KCNIP4: variants seen among roughly 807,000 people sequenced by gnomAD.
KCNIP4 encodes potassium voltage-gated channel interacting protein 4.
In KCNIP4, 12 loss-of-function variants were observed where a neutral mutation model predicts 34.0. That is an observed-to-expected ratio of 0.35 (90% CI 0.23 to 0.57). The LOEUF (loss-of-function observed/expected upper bound fraction) is 0.57, where lower values mean the gene tolerates loss of function less well. Ranked by LOEUF, KCNIP4 falls within the 20% of genes least tolerant of loss-of-function variation. The probability of loss-of-function intolerance (pLI) is 0.83; values close to 1 mark genes in which losing one functional copy is unlikely to be tolerated. For missense variants in KCNIP4, 238 were observed against 311.7 expected, an observed-to-expected ratio of 0.76 and a Z score of 1.78; for synonymous variants, 124 against 102.2, an observed-to-expected ratio of 1.21 and a Z score of -1.29.
intron 1 of KCNIP4, among the ~76,000 whole-genome samples, chr4:21,420,681 T>C (rs1395799078): frequency 6.6e-6 from 1 of 152,208 alleles, no homozygotes; most frequent in African/African-American, 2.4e-5. Context: ...CCTTACCTTC[T>C]GTGAAACTAC....
intron 1 of KCNIP4, among the ~76,000 whole-genome samples, chr4:21,127,321 C>A (rs931277392): frequency 1.3e-5 from 2 of 152,154 alleles, no homozygotes; most frequent in Non-Finnish European, 2.9e-5. Flanking sequence ...TTACTGAGAT[C>A]AACTCCCTAA....
At chr4:21,943,532 T>G (rs922776477) in intron 1 of KCNIP4, among the ~76,000 whole-genome samples, 1 of 152,018 alleles carries the variant, frequency 6.6e-6, no homozygotes, top group Admixed American at 6.6e-5. Flanking sequence ...AGAGTGAGAC[T>G]CTGATTCAAA....
chr4:21,588,978 G>A (rs1382864245), intron 1 of KCNIP4, among the ~76,000 whole-genome samples: 1 of 150,902 alleles, frequency 6.6e-6, no homozygotes, highest in East Asian at 2.0e-4. Context: ...CTCCTACTCT[G>A]AGCCTGGTGC....
intron 1 of KCNIP4, among the ~76,000 whole-genome samples, chr4:21,767,150 T>G (rs1452327873): frequency 2.6e-5 from 4 of 151,976 alleles, no homozygotes; most frequent in Non-Finnish European, 5.9e-5. Context: ...AGAAAGGAAT[T>G]TGCTTTATGA....
intron 1 of KCNIP4, among the ~76,000 whole-genome samples, chr4:21,741,854 T>C (rs921269645): frequency 2.0e-5 from 3 of 151,952 alleles, no homozygotes; most frequent in Non-Finnish European, 2.9e-5. Flanking sequence ...CTGGCCAACA[T>C]AGTGAAACCC....
At chr4:20,988,000 CAAAAAAA>C (rs36044149) in intron 1 of KCNIP4, among the ~76,000 whole-genome samples, 24 of 46,332 alleles carry the variant, frequency 5.2e-4, no homozygotes, top group Non-Finnish European at 8.4e-4. Flanking sequence ...GATTCCATCT[CAAAAAAA>C]AAAAAAAAAA....
chr4:21,438,676 G>A (rs915759875), intron 1 of KCNIP4, among the ~76,000 whole-genome samples: 3 of 152,050 alleles, frequency 2.0e-5, no homozygotes, highest in Non-Finnish European at 4.4e-5. Flanking sequence ...AACTAATGTG[G>A]ACTTGTAAAT....
chr4:21,459,386 C>T (rs1328619719), intron 1 of KCNIP4, among the ~76,000 whole-genome samples: 2 of 152,036 alleles, frequency 1.3e-5, no homozygotes, highest in East Asian at 1.9e-4. Context: ...GTTTTTCTTC[C>T]TGTCTCCCTT....
At chr4:21,599,538 T>G (rs2109115904) in intron 1 of KCNIP4, among the ~76,000 whole-genome samples, 1 of 152,202 alleles carries the variant, frequency 6.6e-6, no homozygotes, top group Admixed American at 6.6e-5. Flanking sequence ...ATGGATTGAC[T>G]TTTTTACATG....
intron 3 of KCNIP4, among the ~76,000 whole-genome samples, chr4:20,784,163 T>C (rs1053972859): frequency 6.6e-6 from 1 of 152,220 alleles, no homozygotes; most frequent in African/African-American, 2.4e-5. Context: ...GAGTAGAGTT[T>C]CTAATTCCTA....
At chr4:21,004,334 G>A (rs1056009271) in intron 1 of KCNIP4, among the ~76,000 whole-genome samples, 17 of 152,178 alleles carry the variant, frequency 1.1e-4, no homozygotes, top group African/African-American at 3.4e-4. Context: ...GTATATGGGC[G>A]ACTCCCAAAT....
At chr4:21,052,942 A>G (rs928634717) in intron 1 of KCNIP4, among the ~76,000 whole-genome samples, 44 of 151,984 alleles carry the variant, frequency 2.9e-4, no homozygotes, top group African/African-American at 1.1e-3. Flanking sequence ...GAGGGGGAGA[A>G]GAAGTGGAGA....
chr4:20,899,810 C>G (rs1433166856), intron 1 of KCNIP4, among the ~76,000 whole-genome samples: 1 of 152,224 alleles, frequency 6.6e-6, no homozygotes, highest in South Asian at 2.1e-4. Context: ...ATGGAAAAAT[C>G]CACTAAGACC....
intron 1 of KCNIP4, among the ~76,000 whole-genome samples, chr4:21,198,358 A>C (rs2108946090): frequency 6.6e-6 from 1 of 152,318 alleles, no homozygotes; most frequent in Non-Finnish European, 1.5e-5. Flanking sequence ...AGAGAGACAT[A>C]ATTTAATTGG....
intron 1 of KCNIP4, among the ~76,000 whole-genome samples, chr4:21,907,447 T>C (rs1728067485): frequency 6.6e-6 from 1 of 152,178 alleles, no homozygotes; most frequent in South Asian, 2.1e-4. Flanking sequence ...AACCTTTTTA[T>C]TGCTACAAAT....
intron 1 of KCNIP4, among the ~76,000 whole-genome samples, chr4:20,922,882 G>A (rs962591131): frequency 3.9e-5 from 6 of 152,038 alleles, no homozygotes; most frequent in African/African-American, 7.2e-5. Context: ...TTCTTCTGGT[G>A]TACAAAATAT....
chr4:21,368,342 G>A (rs970062319), intron 1 of KCNIP4, among the ~76,000 whole-genome samples: 3 of 147,042 alleles, frequency 2.0e-5, no homozygotes, highest in African/African-American at 8.2e-5. Flanking sequence ...TTATTCTTAT[G>A]ACATTAAGAC....
At chr4:21,611,410 G>C (rs1910526) in intron 1 of KCNIP4, among the ~76,000 whole-genome samples, 1 of 151,876 alleles carries the variant, frequency 6.6e-6, no homozygotes, top group Non-Finnish European at 1.5e-5. Flanking sequence ...AACAGCATGG[G>C]GGAAGCCACC....
intron 1 of KCNIP4, among the ~76,000 whole-genome samples, chr4:21,859,234 T>G (rs1724924638): frequency 6.6e-6 from 1 of 152,160 alleles, no homozygotes; most frequent in Non-Finnish European, 1.5e-5. Context: ...CCAGATTTTT[T>G]GTGGAAGCAG....
Sources: gnomAD v4.1 joint callset for allele counts (sites outside exome capture counted in the v4.1 genomes callset) on GRCh38, gnomAD v4.1.1 for gene constraint, MANE v1.5 for transcripts, NCBI Gene and HGNC (gene_info 2026-07-23, HGNC 2026-07-21) for gene names.